Variants in EOGT observed in about 807,000 individuals in gnomAD.
EOGT encodes EGF domain specific O-linked N-acetylglucosamine transferase.
A neutral mutation model predicts 70.5 loss-of-function variants in EOGT; 55 were observed. That is an observed-to-expected ratio of 0.78 (90% CI 0.63 to 0.98). EOGT has a LOEUF of 0.98. Among genes scored for constraint, EOGT ranks in the 50% least tolerant of loss-of-function variants. The pLI is 0.00. For synonymous variants in EOGT, 246 were observed against 217.1 expected (o/e 1.13, Z -1.17); for missense variants, 703 against 641.9 (o/e 1.10, Z -1.03).
intron 10 of EOGT, among the ~76,000 whole-genome samples, chr3:68,990,824 ATT>A (rs776002813): frequency 5.9e-5 from 9 of 151,582 alleles, no homozygotes; most frequent in Non-Finnish European, 7.4e-5. Context: ...TTTTTATAGC[ATT>A]CTTTTCTCAG....
chr3:69,000,883 G>A (rs1559607670), intron 9 of EOGT, among the ~76,000 whole-genome samples: 2 of 151,850 alleles, frequency 1.3e-5, no homozygotes, highest in African/African-American at 4.8e-5. Context: ...TTTAGTCATG[G>A]AAATGATACA....
At position 68,978,533 on chromosome 3, in the gene EOGT, T is replaced by G. The variant is rs954538015; in HGVS notation, c.1335-98A>C. 6.9e-5 allele frequency: 49 copies of G among 705,888 alleles called. No individual in the cohort carries two copies. The Admixed American group carries it at 1.2e-3, about 17-fold the overall frequency. 43.7% of individuals were successfully genotyped at this position (705,888 alleles called of 1,614,324 possible). ...TAAAATGCAGCTCCCAAATATGTCC[T>G]TGCAAAAGGTTGTAAACAAGACTGA... On this transcript the variant is annotated intron_variant, in intron 16 of 17. Transcript: ENST00000383701.
Position 68,977,679 on chromosome 3 carries a change from G to GC in EOGT, c.1522dup (p.Ala508GlyfsTer14). On this transcript the variant is annotated frameshift_variant, in exon 18 of 18. Transcript: ENST00000383701. LOFTEE classifies it high-confidence loss of function. ...TGGGTGTTGCAATACGTGGTCTGCA[G>GC]CCTGAAGGACAAGATACATAAATTC... 1 of 1,614,018 alleles carries GC rather than the reference G, an allele frequency of 6.2e-7. No individual in the cohort carries two copies. The highest frequency in any genetic ancestry group is 8.5e-7 in the Non-Finnish European group (1 of 1,179,944).
At chr3:68,988,824 G>A (rs1189663130) in intron 11 of EOGT, 101 bp downstream of exon 11, 1 of 669,432 alleles carries the variant, frequency 1.5e-6, no homozygotes, top group African/African-American at 1.8e-5. Context: ...TCAGAAATCA[G>A]TGGTAATGGC....
Position 68,997,993 on chromosome 3 carries a change from G to A in EOGT, c.831+18C>T, listed in dbSNP as rs372081377. ...AAGGGAAAGACAGTACTGAAGCGGA[G>A]AGCACATTCTTACTTACGGTGTCCC... On this transcript the variant is annotated intron_variant, in intron 10 of 17. Transcript: ENST00000383701. 1.9e-5 allele frequency: 26 copies of A among 1,373,796 alleles called. No homozygotes were observed. Among genetic ancestry groups the A allele is most frequent in the African/African-American group, 1.3e-4 (9 of 68,380 alleles). The allele number at this position is 1,373,796 out of a possible 1,614,324, so 85.1% of individuals were successfully genotyped here.
intron 14 of EOGT, among the ~76,000 whole-genome samples, chr3:68,983,946 A>G (rs898504392): frequency 2.0e-5 from 3 of 152,212 alleles, no homozygotes; most frequent in Admixed American, 6.5e-5. Flanking sequence ...CTGGGCAACA[A>G]GAGCAAAACT....
chr3:68,999,514 A>C (rs1023896725), intron 9 of EOGT, among the ~76,000 whole-genome samples: 3 of 152,204 alleles, frequency 2.0e-5, no homozygotes, highest in African/African-American at 7.2e-5. Context: ...AAATCATAAA[A>C]TATTCTGACT....
intron 10 of EOGT, among the ~76,000 whole-genome samples, chr3:68,989,324 C>T (rs1404927124): frequency 6.6e-6 from 1 of 152,098 alleles, no homozygotes; most frequent in Admixed American, 6.6e-5. Context: ...AACATCTTAT[C>T]CAAATTATAG....
chr3:68,986,781 C>T lies in EOGT; in HGVS notation c.1152+664G>A, dbSNP rs573433073. The stretch of plus-strand genomic sequence containing the variant: ...ACTTCTTATCTGTCTCTCACCTCTA[C>T]GGTGTAAGCTCCATGAGGTCAGGCA... On this transcript the variant is annotated intron_variant, in intron 14 of 17. Transcript: ENST00000383701. Among the ~76,000 whole-genome samples the T allele has an allele frequency of 2.2e-4, 34 of 152,326 alleles. 3 individuals carry two copies. In the South Asian group the frequency reaches 6.0e-3, roughly 27 times the overall value.
chr3:68,988,821 T>G, intron 11 of EOGT, 104 bp downstream of exon 11: 1 of 664,074 alleles, frequency 1.5e-6, no homozygotes, highest in Non-Finnish European at 2.5e-6. Context: ...AATTCAGAAA[T>G]CAGTGGTAAT....
intron 9 of EOGT, among the ~76,000 whole-genome samples, chr3:69,000,291 G>T (rs1239978410): frequency 6.6e-6 from 1 of 152,042 alleles, no homozygotes; most frequent in Non-Finnish European, 1.5e-5. Flanking sequence ...TATGAATATA[G>T]GAAAGAAATG....
intron 4 of EOGT, 67 bp downstream of exon 4, chr3:69,009,570 A>ACT: frequency 7.9e-7 from 1 of 1,273,744 alleles, no homozygotes; most frequent in Middle Eastern, 1.9e-4. Context: ...CAGGTTATAA[A>ACT]GCAGAACCTG....
rs114277277 is a variant in EOGT at position 68,983,166 on chromosome 3, A to C, written c.1153-294T>G. 7.2e-4 allele frequency among the ~76,000 whole-genome samples: 109 copies of C among 152,308 alleles called. 1 individual carries two copies. The highest frequency in any genetic ancestry group is 2.4e-3 in the African/African-American group (99 of 41,570). On this transcript the variant is annotated intron_variant, in intron 14 of 17. Transcript: ENST00000383701. ...AAGGAGAAGACAATTCAGGGAAGTA[A>C]AGTGCTAGGCACAGAAATAGCTAAC...
intron 4 of EOGT, among the ~76,000 whole-genome samples, chr3:69,009,414 A>C (rs1023572591): frequency 6.6e-6 from 1 of 151,458 alleles, no homozygotes; most frequent in African/African-American, 2.4e-5. Context: ...TTGGCTACTT[A>C]TTTGTTTTAG....
At chr3:68,994,992 T>C (rs1043850253) in intron 10 of EOGT, among the ~76,000 whole-genome samples, 4 of 152,158 alleles carry the variant, frequency 2.6e-5, no homozygotes, top group African/African-American at 9.7e-5. Context: ...AGATGCCACA[T>C]GCTGAAGGGA....
intron 16 of EOGT, 47 bp from the exon 17 acceptor site, chr3:68,978,482 T>C (rs1421138086): frequency 1.2e-5 from 16 of 1,358,616 alleles, no homozygotes; most frequent in Non-Finnish European, 1.6e-5. Context: ...TCCAAGGTTT[T>C]TTCCAAATCA....
At chr3:68,991,133 T>G (rs1364080397) in intron 10 of EOGT, among the ~76,000 whole-genome samples, 14 of 152,238 alleles carry the variant, frequency 9.2e-5, no homozygotes, top group Non-Finnish European at 1.5e-5. Context: ...TGATCCTTCC[T>G]CAGGGAAGTC....
At chr3:69,009,913 AACAAC>A in intron 3 of EOGT, 53 bp from the exon 4 acceptor site, 1 of 597,954 alleles carries the variant, frequency 1.7e-6, no homozygotes, top group South Asian at 2.5e-5. Context: ...TAAAAGCCAA[AACAAC>A]AACAACAACA....
intron 15 of EOGT, among the ~76,000 whole-genome samples, chr3:68,982,354 T>A (rs1182379131): frequency 6.7e-6 from 1 of 149,878 alleles, no homozygotes; most frequent in African/African-American, 2.5e-5. Flanking sequence ...ACCTCGTCTC[T>A]ACAAAAAATA....
Sources: allele counts gnomAD v4.1 joint callset (sites outside exome capture counted in the v4.1 genomes callset), GRCh38; gene constraint gnomAD v4.1.1; transcripts MANE v1.5; gene names NCBI Gene and HGNC (gene_info 2026-07-23, HGNC 2026-07-21).